Variants in DCDC1 observed in about 807,000 individuals in gnomAD.
The protein encoded by DCDC1 is doublecortin domain-containing protein 1.
A neutral mutation model predicts 178.3 loss-of-function variants in DCDC1; 200 were observed. The ratio of observed to expected loss-of-function variants is 1.12; its 90% CI spans 1.00 to 1.26. The LOEUF (loss-of-function observed/expected upper bound fraction) is 1.26, where lower values mean the gene tolerates loss of function less well. Among genes scored for constraint, DCDC1 ranks in the 50% most tolerant of loss-of-function variants. DCDC1 has a pLI of 0.00. For synonymous variants in DCDC1, 690 were observed against 604.8 expected (o/e 1.14, Z -2.07); for missense variants, 1,983 against 1,749.2 (o/e 1.13, Z -2.38).
chr11:30,868,989 C>A (rs1259100096), intron 38 of DCDC1, among the ~76,000 whole-genome samples: 1 of 152,186 alleles, frequency 6.6e-6, no homozygotes, highest in African/African-American at 2.4e-5. Flanking sequence ...CACCAGGGAG[C>A]ATGTGGTTCA....
intron 36 of DCDC1, among the ~76,000 whole-genome samples, chr11:30,886,743 T>C (rs895613803): frequency 4.6e-5 from 7 of 151,340 alleles, no homozygotes; most frequent in Admixed American, 6.6e-5. Flanking sequence ...ATTCAATCCA[T>C]AGCAGTCACT....
chr11:30,887,871 T>C (rs1411682322), intron 36 of DCDC1, among the ~76,000 whole-genome samples: 3 of 151,592 alleles, frequency 2.0e-5, no homozygotes, highest in African/African-American at 7.3e-5. Context: ...TAGCCAAGCA[T>C]TGTGGTGCAA....
intron 9 of DCDC1, among the ~76,000 whole-genome samples, chr11:31,240,682 T>C (rs1977017820): frequency 6.6e-6 from 1 of 152,056 alleles, no homozygotes; most frequent in Non-Finnish European, 1.5e-5. Flanking sequence ...AACCTAGTCC[T>C]CATTTAGCTT....
intron 4 of DCDC1, among the ~76,000 whole-genome samples, chr11:31,306,672 AAC>A (rs1009443447): frequency 1.5e-4 from 23 of 151,902 alleles, no homozygotes; most frequent in African/African-American, 5.3e-4. Flanking sequence ...TATAAAACAC[AAC>A]AGTCCTTTTA....
At chr11:31,029,034 C>T (rs761735187) in intron 20 of DCDC1, among the ~76,000 whole-genome samples, 13 of 151,982 alleles carry the variant, frequency 8.6e-5, no homozygotes, top group Non-Finnish European at 1.5e-5. Flanking sequence ...CAATGTTGAA[C>T]ATGAAAGAAA....
rs1319043239 is a variant in DCDC1, at chr11:31,318,922, A to T, written c.164+9195T>A. On this transcript the variant is annotated intron_variant, in intron 3 of 38. Transcript: ENST00000684477. ...GCCTTCATTTCGTTATGTACCCAGT[A>T]GTCATTCAGGAGCAAGTTGTTCAGT... is the stretch of plus-strand genomic sequence containing the variant. Among the ~76,000 whole-genome samples, 2 of 49,398 alleles carry T rather than the reference A, an allele frequency of 4.0e-5. 1 individual carries two copies. The highest frequency in any genetic ancestry group is 6.8e-5 in the Non-Finnish European group (2 of 29,406). 32.4% of individuals were successfully genotyped at this position (49,398 alleles called of 152,430 possible).
At chr11:30,912,427 G>A (rs1945506825) in intron 27 of DCDC1, among the ~76,000 whole-genome samples, 1 of 152,078 alleles carries the variant, frequency 6.6e-6, no homozygotes, top group Non-Finnish European at 1.5e-5. Flanking sequence ...GGTACTACAG[G>A]CATGTGCCAC....
chr11:31,265,303 A>G (rs1048671494), intron 8 of DCDC1, among the ~76,000 whole-genome samples: 1 of 152,088 alleles, frequency 6.6e-6, no homozygotes, highest in Non-Finnish European at 1.5e-5. Context: ...TCAATTTTTT[A>G]AAAACTCCAA....
chr11:31,112,726 GA>G (rs996509962), intron 11 of DCDC1, among the ~76,000 whole-genome samples: 8 of 152,172 alleles, frequency 5.3e-5, no homozygotes, highest in Admixed American at 5.2e-4. Context: ...AGAGTTTCAA[GA>G]GAGTGTTTTT....
chr11:31,196,199 A>G (rs1205183083), intron 9 of DCDC1, among the ~76,000 whole-genome samples: 1 of 152,046 alleles, frequency 6.6e-6, no homozygotes, highest in Non-Finnish European at 1.5e-5. Context: ...AACAACTGAT[A>G]ATGAGGGTAG....
rs550979684 is a variant in DCDC1 at position 31,181,776 on chromosome 11, C to T, written c.1222-43992G>A. 4.3e-3 allele frequency among the ~76,000 whole-genome samples: 647 copies of T among 152,062 alleles called. 4 individuals carry two copies. The highest frequency in any genetic ancestry group is 0.017 in the Middle Eastern group (5 of 294). On this transcript the variant is annotated intron_variant, in intron 9 of 38. Transcript: ENST00000684477. ...AAGATGAGGAAAAACCAGCACAAAA[C>T]GGCTGAAAATTCCAAAAACCAGAAT... is the stretch of plus-strand genomic sequence containing the variant.
intron 7 of DCDC1, among the ~76,000 whole-genome samples, chr11:31,279,847 G>T (rs1946294590): frequency 2.0e-5 from 3 of 151,786 alleles, no homozygotes; most frequent in African/African-American, 7.3e-5. Flanking sequence ...TAACAAACCT[G>T]AACGTTCTGC....
intron 20 of DCDC1, among the ~76,000 whole-genome samples, chr11:30,955,212 G>C (rs1470705358): frequency 2.0e-5 from 3 of 152,102 alleles, no homozygotes; most frequent in Admixed American, 2.0e-4. Flanking sequence ...ATAAAAGCTT[G>C]CTTTGTTGTT....
intron 20 of DCDC1, among the ~76,000 whole-genome samples, chr11:31,055,281 GCA>G (rs1955510991): frequency 1.3e-5 from 2 of 152,062 alleles, no homozygotes; most frequent in East Asian, 3.9e-4. Flanking sequence ...AAACCACAAT[GCA>G]ATACCACCTT....
intron 9 of DCDC1, among the ~76,000 whole-genome samples, chr11:31,202,310 C>A (rs1971381065): frequency 6.6e-6 from 1 of 152,130 alleles, no homozygotes; most frequent in Admixed American, 6.6e-5. Context: ...CGCCTGTAAT[C>A]CCAACACTTT....
At chr11:31,336,804 C>T (rs1487735735) in intron 1 of DCDC1, among the ~76,000 whole-genome samples, 1 of 152,154 alleles carries the variant, frequency 6.6e-6, no homozygotes, top group African/African-American at 2.4e-5. Context: ...ATGTTATGGC[C>T]AATGGCATGT....
Position 30,922,603 on chromosome 11 carries a change from A to G in DCDC1, c.3033T>C (p.Pro1011=). The G allele has an allele frequency of 6.3e-7, 1 of 1,577,630 alleles. No individual in the cohort carries two copies. Among genetic ancestry groups the G allele is most frequent in the Non-Finnish European group, 8.6e-7 (1 of 1,166,994 alleles). ...YVSCGELWIN[P]DLSIAQQKKQ... Reference sequence around the variant, plus strand: ...TCTTTTGCTGAGCAATGGACAGGTCAGGATTGATCCAGAGTTCTCCACATG... The same window carrying G: ...TCTTTTGCTGAGCAATGGACAGGTCGGGATTGATCCAGAGTTCTCCACATG... Residue 1011 remains proline, a synonymous_variant, in exon 24 of 39, where the codon CCT becomes CCC. Transcript: ENST00000684477.
In DCDC1 at chr11:31,290,772, T is replaced by G. The variant is rs375102072; in HGVS notation, c.835A>C (p.Lys279Gln). 2 of 1,613,500 alleles carry G rather than the reference T, an allele frequency of 1.2e-6. No homozygotes were observed. The highest frequency in any genetic ancestry group is 1.7e-5 in the Admixed American group (1 of 59,960). ...TTCATTCTAATAGAAAGAACAGGCT[T>G]GGTTTTCCGTCTTTTGATATCAGTA... The part of the protein sequence containing the change: ...LPTDIKRRKT[K>Q]PVLSIRMKKL... Residue 279 changes from lysine (K) to glutamine (Q), a missense_variant, in exon 7 of 39, where the codon AAG becomes CAG. Physicochemically the swap from Lys to Gln is moderately conservative, Grantham distance 53 (BLOSUM62 1). Transcript: ENST00000684477.
chr11:30,978,510 C>T (rs1227534432), intron 20 of DCDC1, among the ~76,000 whole-genome samples: 3 of 151,808 alleles, frequency 2.0e-5, no homozygotes, highest in Non-Finnish European at 4.4e-5. Context: ...AATATTTGTA[C>T]ATATTTATGG....
Sources: gnomAD v4.1 joint callset for allele counts (sites outside exome capture counted in the v4.1 genomes callset) on GRCh38, gnomAD v4.1.1 for gene constraint, MANE v1.5 for transcripts, NCBI Gene and HGNC (gene_info 2026-07-23, HGNC 2026-07-21) for gene names.